Variants in PTPRT observed in about 807,000 individuals in gnomAD.
The protein encoded by PTPRT is protein tyrosine phosphatase receptor type T, also known as receptor-type tyrosine-protein phosphatase T.
PTPRT carries 56 observed loss-of-function variants against 176.8 expected under a neutral mutation model. The observed-to-expected ratio is 0.32, with a 90% CI of 0.26 to 0.40. The LOEUF (loss-of-function observed/expected upper bound fraction) is 0.40. Among genes scored for constraint, PTPRT ranks in the 10% least tolerant of loss-of-function variants. The pLI is 1.00. For synonymous variants in PTPRT, 783 were observed against 739.0 expected (o/e 1.06, Z -0.96); for missense variants, 1,540 against 1,908.2 (o/e 0.81, Z 3.60).
In PTPRT at chr20:42,374,575, T is replaced by C. The variant is rs111475673; in HGVS notation, c.1561-22290A>G. ...ATATTTTCAAATATGAAAAAGCTCT[T>C]ACAAATCAATAAAAAAGAAGAACAT... On this transcript the variant is annotated intron_variant, in intron 9 of 30. Coordinates refer to ENST00000373187, the MANE Select transcript of PTPRT (RefSeq NM_007050.6). 7.5e-3 allele frequency among the ~76,000 whole-genome samples: 1,146 copies of C among 152,200 alleles called. 17 individuals are homozygous for C. The highest frequency in any genetic ancestry group is 0.026 in the African/African-American group (1,078 of 41,540).
Position 42,621,676 on chromosome 20 carries a change from C to G in PTPRT, c.1153+56190G>C, listed in dbSNP as rs541566282. Among the ~76,000 whole-genome samples the G allele has an allele frequency of 2.0e-5, 3 of 152,188 alleles. No individual in the cohort carries two copies. The East Asian group carries it at 5.8e-4, about 29-fold the overall frequency. The stretch of plus-strand genomic sequence containing the variant: ...CCCTAGATGTTCAATGGTTGCATTT[C>G]TTGGCATTGTTTTCAAGCTCTTTCC... On this transcript the variant is annotated intron_variant, in intron 7 of 30. Coordinates refer to ENST00000373187, the MANE Select transcript of PTPRT (RefSeq NM_007050.6).
intron 9 of PTPRT, among the ~76,000 whole-genome samples, chr20:42,397,130 C>T (rs1044357714): frequency 1.6e-4 from 24 of 152,264 alleles, no homozygotes; most frequent in African/African-American, 5.5e-4. Context: ...GTCAGTTTTC[C>T]CACTGTCATT....
rs146902166 is a variant in PTPRT, at chr20:42,934,183, C to G, written c.89-48251G>C. Among the ~76,000 whole-genome samples, 15 of 152,240 alleles carry G rather than the reference C, an allele frequency of 9.9e-5. No homozygotes were observed. The East Asian group carries it at 2.9e-3, about 29-fold the overall frequency. On this transcript the variant is annotated intron_variant, in intron 1 of 30. Coordinates refer to ENST00000373187, the MANE Select transcript of PTPRT (RefSeq NM_007050.6). Reference sequence around the variant, plus strand: ...TGCTAACAGGGTCTCAGGCAGTTTGCTGGGCCTGGAGGTGTGTCAAATTGC... The same window carrying G: ...TGCTAACAGGGTCTCAGGCAGTTTGGTGGGCCTGGAGGTGTGTCAAATTGC...
chr20:42,148,303 G>T (rs1360246863), intron 17 of PTPRT, among the ~76,000 whole-genome samples: 2 of 149,118 alleles, frequency 1.3e-5, no homozygotes, highest in African/African-American at 5.0e-5. Context: ...ATGTATTTGG[G>T]GATGTCCTTA....
At chr20:42,729,290 T>C (rs1600670382) in intron 6 of PTPRT, among the ~76,000 whole-genome samples, 1 of 152,274 alleles carries the variant, frequency 6.6e-6, no homozygotes, top group Middle Eastern at 3.4e-3. Flanking sequence ...TAGCGGATGC[T>C]ATTAAAACCC....
rs572977102 is a variant in PTPRT at position 43,099,118 on chromosome 20, C to T, written c.88+90528G>A. 3.3e-5 allele frequency among the ~76,000 whole-genome samples: 5 copies of T among 151,284 alleles called. No homozygotes were observed. The East Asian group carries it at 7.8e-4, about 23-fold the overall frequency. On this transcript the variant is annotated intron_variant, in intron 1 of 30. Transcript: ENST00000373187. ...CACCTCCACCCCCAAGACACACACA[C>T]ACACACCCTGGATATCTCACCATAA...
intron 1 of PTPRT, among the ~76,000 whole-genome samples, chr20:43,107,947 C>A (rs1004779818): frequency 4.6e-5 from 7 of 151,964 alleles, no homozygotes; most frequent in South Asian, 4.2e-4. Context: ...CCAAAGCACA[C>A]TGACTTTTGG....
At chr20:42,549,118 AC>A (rs1409981897) in intron 7 of PTPRT, among the ~76,000 whole-genome samples, 1 of 152,146 alleles carries the variant, frequency 6.6e-6, no homozygotes, top group East Asian at 1.9e-4. Context: ...AGAACTTCTC[AC>A]AGGGCCCTCT....
chr20:42,107,879 TACA>T (rs1986614944), intron 23 of PTPRT, among the ~76,000 whole-genome samples: 1 of 152,330 alleles, frequency 6.6e-6, no homozygotes, highest in African/African-American at 2.4e-5. Context: ...GACCACTACC[TACA>T]ACAATTTGGA....
intron 1 of PTPRT, among the ~76,000 whole-genome samples, chr20:42,937,848 G>A (rs1295437052): frequency 6.6e-6 from 1 of 152,190 alleles, no homozygotes; most frequent in Non-Finnish European, 1.5e-5. Context: ...AAAACTCTTG[G>A]AAAATTTTGA....
intron 15 of PTPRT, among the ~76,000 whole-genome samples, chr20:42,224,782 C>G (rs58527052): frequency 3.3e-5 from 5 of 152,214 alleles, no homozygotes; most frequent in African/African-American, 1.2e-4. Context: ...ACCAACTCCT[C>G]TAAGCTCTGT....
intron 6 of PTPRT, among the ~76,000 whole-genome samples, chr20:42,726,662 G>T (rs2076385762): frequency 6.6e-6 from 1 of 152,284 alleles, no homozygotes; most frequent in African/African-American, 2.4e-5. Flanking sequence ...ACACTATCTG[G>T]TCCCCATGCT....
At chr20:42,163,154 C>A (rs939830879) in intron 16 of PTPRT, among the ~76,000 whole-genome samples, 1 of 152,130 alleles carries the variant, frequency 6.6e-6, no homozygotes, top group Non-Finnish European at 1.5e-5. Flanking sequence ...GGCTACTAAT[C>A]TGACTGGTCT....
intron 1 of PTPRT, among the ~76,000 whole-genome samples, chr20:42,920,865 A>C (rs1359483609): frequency 1.3e-5 from 2 of 152,210 alleles, no homozygotes; most frequent in Non-Finnish European, 2.9e-5. Flanking sequence ...CAATCATTAA[A>C]CTGGATTTAA....
intron 6 of PTPRT, among the ~76,000 whole-genome samples, chr20:42,739,947 C>T: frequency 6.6e-6 from 1 of 152,276 alleles, no homozygotes; most frequent in East Asian, 1.9e-4. Context: ...TCTCACTTTG[C>T]ATCCTCCTGG....
chr20:42,132,841 A>G (rs774608135), intron 18 of PTPRT, among the ~76,000 whole-genome samples: 3 of 152,216 alleles, frequency 2.0e-5, no homozygotes, highest in Non-Finnish European at 4.4e-5. Context: ...TGAGGTGAAA[A>G]CTTATGTCCA....
intron 1 of PTPRT, among the ~76,000 whole-genome samples, chr20:43,070,235 C>T (rs919467861): frequency 2.6e-4 from 40 of 152,158 alleles, no homozygotes; most frequent in Admixed American, 1.0e-3. Flanking sequence ...CTCACAGCTT[C>T]CTCCTTCTCC....
At chr20:42,256,427 C>T (rs1192993485) in intron 13 of PTPRT, among the ~76,000 whole-genome samples, 1 of 151,496 alleles carries the variant, frequency 6.6e-6, no homozygotes, top group African/African-American at 2.4e-5. Context: ...TCTTTGAGGA[C>T]TGAAATTGTA....
chr20:42,164,456 A>G (rs989065418), intron 16 of PTPRT, among the ~76,000 whole-genome samples: 1 of 152,236 alleles, frequency 6.6e-6, no homozygotes, highest in African/African-American at 2.4e-5. Context: ...AATAATGTCA[A>G]TGCCAGTGCT....
Sources: gnomAD v4.1 joint callset for allele counts (sites outside exome capture counted in the v4.1 genomes callset) on GRCh38, gnomAD v4.1.1 for gene constraint, MANE v1.5 for transcripts, NCBI Gene and HGNC (gene_info 2026-07-23, HGNC 2026-07-21) for gene names.